The following ATG12 variants were observed in gnomAD, a reference collection of about 807,000 sequenced individuals.
ATG12 encodes ubiquitin-like protein ATG12.
Under a neutral mutation model 17.6 loss-of-function variants are expected in ATG12, and 19 were observed. The observed-to-expected ratio is 1.08, with a 90% CI of 0.75 to 1.58. ATG12 has a LOEUF of 1.58. ATG12 is among the 40% of genes most tolerant of loss of function. The probability of loss-of-function intolerance (pLI) is 0.00; values close to 1 mark genes in which losing one functional copy is unlikely to be tolerated. For synonymous variants in ATG12, 75 were observed against 62.4 expected (o/e 1.20, Z -0.95); for missense variants, 214 against 162.0 (o/e 1.32, Z -1.74).
At chr5:115,832,751 G>A (rs1760940270) in intron 2 of ATG12, 87 bp from the exon 3 acceptor site, 7 of 1,278,140 alleles carry the variant, frequency 5.5e-6, no homozygotes, top group Admixed American at 2.8e-5. Context: ...TAGCTATTTT[G>A]TATTGTTTTC....
At position 115,830,342 on chromosome 5, in the gene ATG12, G is replaced by C. The variant is rs1044654448; in HGVS notation, c.*1462C>G. 1 of 151,854 alleles carries C rather than the reference G, an allele frequency of 6.6e-6. No individual in the cohort carries two copies. 9.4% of individuals were successfully genotyped at this position (151,854 alleles called of 1,614,324 possible). Reference sequence around the variant, plus strand: ...CTGAACCCTCAGTGGCAAACAATACGAAAATTCAACATATTTTTATTTGTT... The same window carrying C: ...CTGAACCCTCAGTGGCAAACAATACCAAAATTCAACATATTTTTATTTGTT... On this transcript the variant is annotated 3_prime_UTR_variant, in exon 4 of 4. Coordinates refer to ENST00000509910, the MANE Select transcript of ATG12 (RefSeq NM_004707.4).
intron 1 of ATG12, among the ~76,000 whole-genome samples, chr5:115,840,296 CTTTTTT>C (rs544937852): frequency 1.5e-5 from 2 of 135,054 alleles, no homozygotes; most frequent in African/African-American, 5.5e-5. Flanking sequence ...AGACCAATGT[CTTTTTT>C]TTTTTTTTTT....
In ATG12 at chr5:115,830,981, G is replaced by C. The variant is rs1292242914; in HGVS notation, c.*823C>G. On this transcript the variant is annotated 3_prime_UTR_variant, in exon 4 of 4. Coordinates refer to ENST00000509910, the MANE Select transcript of ATG12 (RefSeq NM_004707.4). ...GCTATTTTTCAATTATTGTTTTCAA[G>C]TTGGAAAATGCATTATGAAACACTC... is the stretch of plus-strand genomic sequence containing the variant. The C allele has an allele frequency of 6.6e-6, 1 of 152,152 alleles. No homozygotes were observed. Among genetic ancestry groups the C allele is most frequent in the Non-Finnish European group, 1.5e-5 (1 of 68,028 alleles). 9.4% of individuals were successfully genotyped at this position (152,152 alleles called of 1,614,324 possible).
At position 115,841,515 on chromosome 5, in the gene ATG12, G is replaced by C; in HGVS notation, c.38C>G (p.Thr13Ser). ...TCCTTCCCCTCCAGCAGCAATTGAA[G>C]TAGGAAGCTGCAACACAGACTGCGG... ...EEPQSVLQLP[T>S]SIAAGGEGLT... Residue 13 changes from threonine to serine, a missense_variant, in exon 1 of 4, where the codon ACT becomes AGT. By Grantham distance (58) the Thr-to-Ser change is moderately conservative (BLOSUM62 1). Coordinates refer to ENST00000509910, the MANE Select transcript of ATG12 (RefSeq NM_004707.4). 1 of 1,612,816 alleles carries C rather than the reference G, an allele frequency of 6.2e-7. No individual in the cohort carries two copies. The highest frequency in any genetic ancestry group is 1.3e-5 in the African/African-American group (1 of 74,834).
chr5:115,840,600 A>G, intron 1 of ATG12: 1 of 1,279,430 alleles, frequency 7.8e-7, no homozygotes, highest in Non-Finnish European at 1.0e-6. Context: ...GCCCGGCCAG[A>G]GACCACTGTC....
intron 2 of ATG12, among the ~76,000 whole-genome samples, chr5:115,837,399 G>A (rs1156850474): frequency 1.3e-5 from 2 of 151,752 alleles, no homozygotes; most frequent in Non-Finnish European, 2.9e-5. Context: ...CAGGAGAATC[G>A]CTTGAACCAG....
chr5:115,832,538 A>G (rs1760917917), intron 3 of ATG12, 64 bp downstream of exon 3: 1 of 1,440,556 alleles, frequency 6.9e-7, no homozygotes, highest in African/African-American at 1.5e-5. Flanking sequence ...AGATGTGCAT[A>G]CTCGATTAAG....
At position 115,830,416 on chromosome 5, in the gene ATG12, CA is replaced by C. The variant is rs1327617015; in HGVS notation, c.*1387del. 10 of 152,058 alleles carry C rather than the reference CA, an allele frequency of 6.6e-5. No individual in the cohort carries two copies. Among genetic ancestry groups the C allele is most frequent in the African/African-American group, 2.4e-4 (10 of 41,398 alleles). The allele number at this position is 152,058 out of a possible 1,614,324, so 9.4% of individuals were successfully genotyped here. ...TATTCCTTCAGTAAACTGAACTGGA[CA>C]AAACTAGAGAACAGACCTTTTCCAT... On this transcript the variant is annotated 3_prime_UTR_variant, in exon 4 of 4. Transcript: ENST00000509910.
At chr5:115,837,013 CA>C (rs1157689417) in intron 2 of ATG12, among the ~76,000 whole-genome samples, 2 of 152,072 alleles carry the variant, frequency 1.3e-5, no homozygotes, top group African/African-American at 4.8e-5. Flanking sequence ...TAACTGCTAT[CA>C]AAACAAACTG....
intron 2 of ATG12, among the ~76,000 whole-genome samples, chr5:115,835,774 C>A (rs1328895254): frequency 6.6e-6 from 1 of 152,174 alleles, no homozygotes; most frequent in Non-Finnish European, 1.5e-5. Context: ...CCGTCAGATG[C>A]CAACCCTGTT....
Position 115,829,721 on chromosome 5 carries a change from T to C in ATG12, c.*2083A>G, listed in dbSNP as rs909539282. The C allele has an allele frequency of 5.9e-5, 9 of 152,226 alleles. No individual in the cohort carries two copies. The highest frequency in any genetic ancestry group is 2.9e-5 in the Non-Finnish European group (2 of 68,044). The allele number at this position is 152,226 out of a possible 1,614,324, so 9.4% of individuals were successfully genotyped here. On this transcript the variant is annotated 3_prime_UTR_variant, in exon 4 of 4. Transcript: ENST00000509910. Reference sequence around the variant, plus strand: ...TAGGTTCTAGTCACCCAATAACTTATCGGATCCAGGCTTAATTATTGTTTA... The same window carrying C: ...TAGGTTCTAGTCACCCAATAACTTACCGGATCCAGGCTTAATTATTGTTTA...
In ATG12 at chr5:115,832,567, CTTTCT is replaced by C. The variant is rs769112945; in HGVS notation, c.363+30_363+34del. 9,980 of 1,063,950 alleles carry C rather than the reference CTTTCT, an allele frequency of 9.4e-3. 376 individuals are homozygous for C. The highest frequency in any genetic ancestry group is 0.023 in the South Asian group (972 of 42,020). 65.9% of individuals were successfully genotyped at this position (1,063,950 alleles called of 1,614,324 possible). ...GATTAAGAAAAAAAAGCAGTAATTT[CTTTCT>C]TTTTTTTTTTTTTTTTTTTTTTTTT... On this transcript the variant is annotated intron_variant, in intron 3 of 3. Coordinates refer to ENST00000509910, the MANE Select transcript of ATG12 (RefSeq NM_004707.4).
chr5:115,831,615 ATT>A lies in ATG12; in HGVS notation c.*187_*188del. 1.6e-6 allele frequency: 1 copy of A among 638,542 alleles called. No homozygotes were observed. The allele number at this position is 638,542 out of a possible 1,614,324, so 39.6% of individuals were successfully genotyped here. A position where few individuals can be genotyped will look rare whatever the true frequency, so the allele number is the denominator to read the frequency against. ...GACCATCTTTTATGATGACTGGTGC[ATT>A]AATACAAATCACATTTTTCTGAGTC... On this transcript the variant is annotated 3_prime_UTR_variant, in exon 4 of 4. Coordinates refer to ENST00000509910, the MANE Select transcript of ATG12 (RefSeq NM_004707.4).
At chr5:115,840,889 T>G in intron 1 of ATG12, 4 of 1,288,446 alleles carry the variant, frequency 3.1e-6, no homozygotes, top group Non-Finnish European at 4.0e-6. Flanking sequence ...GTCTTCATTC[T>G]GCATAAGAAT....
At chr5:115,832,006 GC>G (rs1352199918) in intron 3 of ATG12, 143 bp from the exon 4 acceptor site, 1 of 744,984 alleles carries the variant, frequency 1.3e-6, no homozygotes, top group Non-Finnish European at 2.2e-6. Flanking sequence ...TTCAAAGGAT[GC>G]CTGTTTCTAT....
intron 2 of ATG12, among the ~76,000 whole-genome samples, chr5:115,837,079 A>G (rs1233199972): frequency 6.6e-6 from 1 of 152,228 alleles, no homozygotes; most frequent in Non-Finnish European, 1.5e-5. Context: ...TCTATGATAG[A>G]TTTTTATGCA....
intron 1 of ATG12, 120 bp downstream of exon 1, chr5:115,841,270 T>G (rs1287399060): frequency 7.6e-7 from 1 of 1,307,442 alleles, no homozygotes; most frequent in East Asian, 2.4e-5. Context: ...TTCTGATGAC[T>G]GGTCAAAATG....
intron 2 of ATG12, chr5:115,833,881 G>C (rs189963518): frequency 1.3e-5 from 2 of 152,246 alleles, no homozygotes; most frequent in Admixed American, 1.3e-4. Context: ...GAGGGGAAGG[G>C]CTCTCAATAA....
chr5:115,833,800 C>T (rs147328872), intron 2 of ATG12: 2 of 152,198 alleles, frequency 1.3e-5, no homozygotes, highest in African/African-American at 4.8e-5. Context: ...TTTTGTAATA[C>T]AGATATAATT....
Sources: allele counts gnomAD v4.1 joint callset (sites outside exome capture counted in the v4.1 genomes callset), GRCh38; gene constraint gnomAD v4.1.1; transcripts MANE v1.5; gene names NCBI Gene and HGNC (gene_info 2026-07-23, HGNC 2026-07-21).